The following ASXL3 variants were observed in gnomAD, a reference collection of about 807,000 sequenced individuals.
The protein encoded by ASXL3 is ASXL transcriptional regulator 3.
ASXL3 carries 34 observed loss-of-function variants against 170.6 expected under a neutral mutation model. That is an observed-to-expected ratio of 0.20 (90% CI 0.15 to 0.27). The LOEUF (loss-of-function observed/expected upper bound fraction) is 0.27. ASXL3 is among the 10% of genes least tolerant of loss of function. The probability of loss-of-function intolerance (pLI) is 1.00; values close to 1 mark genes in which losing one functional copy is unlikely to be tolerated. For synonymous variants in ASXL3, 1,002 were observed against 989.1 expected, an observed-to-expected ratio of 1.01 and a Z score of -0.24; for missense variants, 2,592 against 2,695.3, an observed-to-expected ratio of 0.96 and a Z score of 0.85.
chr18:33,585,058 ATTGC>A (rs1454309245), intron 1 of ASXL3, among the ~76,000 whole-genome samples: 61 of 151,938 alleles, frequency 4.0e-4, no homozygotes, highest in African/African-American at 1.5e-3. Flanking sequence ...TGCCTTTTGG[ATTGC>A]CTACATATGT....
intron 8 of ASXL3, among the ~76,000 whole-genome samples, chr18:33,697,277 G>A (rs2066787315): frequency 6.6e-6 from 1 of 152,040 alleles, no homozygotes; most frequent in South Asian, 2.1e-4. Flanking sequence ...AAATTTTATG[G>A]TGGGCTATGC....
At chr18:33,685,746 A>G (rs1204750626) in intron 8 of ASXL3, among the ~76,000 whole-genome samples, 1 of 152,150 alleles carries the variant, frequency 6.6e-6, no homozygotes, top group Non-Finnish European at 1.5e-5. Context: ...GTCATGTCAC[A>G]TGGCAGGGGA....
intron 8 of ASXL3, among the ~76,000 whole-genome samples, chr18:33,687,786 T>G (rs1285975190): frequency 1.3e-5 from 2 of 152,186 alleles, no homozygotes; most frequent in African/African-American, 4.8e-5. Flanking sequence ...GTTTTATACT[T>G]AAGTTTATTC....
intron 4 of ASXL3, among the ~76,000 whole-genome samples, chr18:33,658,178 T>C (rs1269742826): frequency 6.6e-6 from 1 of 152,170 alleles, no homozygotes; most frequent in African/African-American, 2.4e-5. Flanking sequence ...TTTTCCCTGA[T>C]CCTTTCTTTA....
chr18:33,746,030 T>C lies in ASXL3; in HGVS notation c.6182T>C (p.Met2061Thr), dbSNP rs746673891. ...GATCAAAAACAACCTCCAGTTACCA[T>C]GGAAACCACTAAGAGACTTAGTTGG... is the stretch of plus-strand genomic sequence containing the variant. ...PSDQKQPPVT[M>T]ETTKRLSWPQ... is the part of the protein sequence containing the mutation. Residue 2061 changes from methionine to threonine, a missense_variant, in exon 12 of 12, where the codon ATG becomes ACG. Physicochemically the swap from Met to Thr is moderately conservative, Grantham distance 81. Around this residue, in one of 4 missense-constraint regions of ASXL3, gnomAD observed 2,246 missense variants for 2,219.6 expected, o/e 1.01. Transcript: ENST00000269197. The C allele has an allele frequency of 1.9e-6, 3 of 1,609,536 alleles. No homozygotes were observed. The highest frequency in any genetic ancestry group is 2.5e-6 in the Non-Finnish European group (3 of 1,178,506).
chr18:33,590,306 T>C (rs2065067852), intron 1 of ASXL3, among the ~76,000 whole-genome samples: 1 of 151,926 alleles, frequency 6.6e-6, no homozygotes, highest in Non-Finnish European at 1.5e-5. Context: ...ATTTTTTAAG[T>C]GCTAATGCCA....
chr18:33,722,060 G>A (rs547024972), intron 8 of ASXL3, among the ~76,000 whole-genome samples: 10 of 152,112 alleles, frequency 6.6e-5, no homozygotes, highest in African/African-American at 2.4e-4. Flanking sequence ...TCATAAGACA[G>A]TGAACTTAAT....
chr18:33,604,607 C>A (rs8086965), intron 1 of ASXL3, among the ~76,000 whole-genome samples: 6 of 151,706 alleles, frequency 4.0e-5, no homozygotes. Flanking sequence ...CTGGACAAAG[C>A]CCCCCAAGGA....
chr18:33,743,177 T>C lies in ASXL3; in HGVS notation c.3329T>C (p.Leu1110Pro). ...AHIKEQTKAK[L>P]FAKHQARAHL... ...ATCAAAGAGCAGACAAAGGCTAAGC[T>C]CTTTGCAAAGCATCAAGCTCGAGCC... is the stretch of plus-strand genomic sequence containing the variant. The change falls in exon 12 of 12, where the codon CTC (leucine) becomes CCC (proline). Residue 1110 changes from leucine to proline, a missense_variant. Coordinates refer to ENST00000269197, the MANE Select transcript of ASXL3 (RefSeq NM_030632.3). 6.2e-7 allele frequency: 1 copy of C among 1,613,878 alleles called. No homozygotes were observed. The highest frequency in any genetic ancestry group is 8.5e-7 in the Non-Finnish European group (1 of 1,179,862).
At chr18:33,693,084 T>C (rs990980788) in intron 8 of ASXL3, among the ~76,000 whole-genome samples, 14 of 152,168 alleles carry the variant, frequency 9.2e-5, no homozygotes. Flanking sequence ...CATGTTGGGG[T>C]TAAGGCTTCA....
In ASXL3 at chr18:33,749,982, T is replaced by C. The variant is rs2067858832; in HGVS notation, c.*3387T>C. 1 of 152,346 alleles carries C rather than the reference T, an allele frequency of 6.6e-6. No individual in the cohort carries two copies. Among genetic ancestry groups the C allele is most frequent in the South Asian group, 2.1e-4 (1 of 4,834 alleles). 9.4% of individuals were successfully genotyped at this position (152,346 alleles called of 1,614,324 possible). ...CCCGCACAATTTCAAAAGTGGAAGT[T>C]ACCGTGGCCTCTGGTTTCCCAGTTC... On this transcript the variant is annotated 3_prime_UTR_variant, in exon 12 of 12. Coordinates refer to ENST00000269197, the MANE Select transcript of ASXL3 (RefSeq NM_030632.3).
chr18:33,580,390 T>C (rs770800528), intron 1 of ASXL3, among the ~76,000 whole-genome samples: 4 of 152,238 alleles, frequency 2.6e-5, no homozygotes, highest in Non-Finnish European at 5.9e-5. Flanking sequence ...GCAAGGCTTC[T>C]GAAAATGCAT....
intron 2 of ASXL3, among the ~76,000 whole-genome samples, chr18:33,640,514 TTAAA>T (rs1384458088): frequency 6.6e-6 from 1 of 152,028 alleles, no homozygotes; most frequent in East Asian, 1.9e-4. Context: ...GACACGCCCA[TTAAA>T]TAAATAAATC....
At chr18:33,728,685 C>T (rs572975699) in intron 8 of ASXL3, among the ~76,000 whole-genome samples, 1 of 152,126 alleles carries the variant, frequency 6.6e-6, no homozygotes, top group Non-Finnish European at 1.5e-5. Context: ...AATGACTTTA[C>T]CTTCTTAATC....
At chr18:33,692,907 G>GAGA (rs2066708923) in intron 8 of ASXL3, among the ~76,000 whole-genome samples, 2 of 152,196 alleles carry the variant, frequency 1.3e-5, no homozygotes, top group African/African-American at 4.8e-5. Flanking sequence ...GCTTACAACA[G>GAGA]AAGTTTATTT....
intron 7 of ASXL3, among the ~76,000 whole-genome samples, chr18:33,678,403 G>T (rs1472403850): frequency 6.6e-6 from 1 of 152,206 alleles, no homozygotes; most frequent in African/African-American, 2.4e-5. Flanking sequence ...TAATCCTTGT[G>T]TGGGTTCCCT....
Position 33,607,681 on chromosome 18 carries a change from G to A in ASXL3, c.137+5G>A. 1.3e-6 allele frequency: 2 copies of A among 1,560,494 alleles called. No individual in the cohort carries two copies. The highest frequency in any genetic ancestry group is 1.7e-6 in the Non-Finnish European group (2 of 1,149,560). ...AGAAGGGTTAAAAGAAACAAGGTCA[G>A]TATCCATATTTAAAACATTTTCTGT... On this transcript the variant is annotated splice_donor_5th_base_variant and intron_variant, in intron 2 of 11. Transcript: ENST00000269197.
intron 1 of ASXL3, among the ~76,000 whole-genome samples, chr18:33,582,011 C>T (rs984134189): frequency 1.3e-5 from 2 of 152,128 alleles, no homozygotes; most frequent in African/African-American, 4.8e-5. Context: ...CAGCCTTCTG[C>T]AGTTGTAGTT....
In ASXL3 at chr18:33,736,455, A is replaced by G. The variant is rs545135690; in HGVS notation, c.1083-2032A>G. On this transcript the variant is annotated intron_variant, in intron 10 of 11. Transcript: ENST00000269197. ...GTTGCATGGCAGATACATTTTGAAC[A>G]TTTCATTGACTGCCCTTCTTTGTTG... Among the ~76,000 whole-genome samples the G allele has an allele frequency of 3.3e-5, 5 of 152,028 alleles. No individual in the cohort carries two copies. In the East Asian group the frequency reaches 9.7e-4, roughly 29 times the overall value.
Sources: allele counts gnomAD v4.1 joint callset (sites outside exome capture counted in the v4.1 genomes callset), GRCh38; gene constraint gnomAD v4.1.1; regional missense constraint gnomAD v4.1.1; transcripts MANE v1.5; gene names NCBI Gene and HGNC (gene_info 2026-07-23, HGNC 2026-07-21).